The following GRIP1 variants were observed in gnomAD, a reference collection of about 807,000 sequenced individuals.
GRIP1 encodes the protein glutamate receptor interacting protein 1.
Under a neutral mutation model 129.9 loss-of-function variants are expected in GRIP1, and 45 were observed. That is an observed-to-expected ratio of 0.35 (90% CI 0.27 to 0.44). The LOEUF (loss-of-function observed/expected upper bound fraction) is 0.44, where lower values mean the gene tolerates loss of function less well. GRIP1 is among the 20% of genes least tolerant of loss of function. The pLI, the probability that GRIP1 is intolerant of heterozygous loss-of-function variation, is 1.00. For synonymous variants in GRIP1, 530 were observed against 520.8 expected (o/e 1.02, Z -0.24); for missense variants, 1,196 against 1,396.8 (o/e 0.86, Z 2.29).
rs191549204 is a variant in GRIP1, at chr12:66,348,881, G to A, written c.*138C>T. 5.9e-3 allele frequency: 4,490 copies of A among 757,772 alleles called. 24 individuals carry two copies. The highest frequency in any genetic ancestry group is 8.7e-3 in the Non-Finnish European group (3,626 of 416,488). The allele number at this position is 757,772 out of a possible 1,614,324, so 46.9% of individuals were successfully genotyped here. ...AAAGGGAAGTGAACATGAGCCATGA[G>A]AGAGATTTAAAAGACCCCTGTGCTT... On this transcript the variant is annotated 3_prime_UTR_variant, in exon 25 of 25. Coordinates refer to ENST00000359742, the MANE Select transcript of GRIP1 (RefSeq NM_001366722.1).
chr12:66,669,678 G>A (rs73327021), intron 1 of GRIP1, among the ~76,000 whole-genome samples: 2,740 of 152,114 alleles, frequency 0.018, 80 homozygotes, highest in African/African-American at 0.063. Flanking sequence ...TGGCTTTGTC[G>A]GGGCATGCCT....
rs188307757 is a variant in GRIP1, at chr12:66,574,860, C to T, written c.136+21987G>A. On this transcript the variant is annotated intron_variant, in intron 2 of 24. Coordinates refer to ENST00000359742, the MANE Select transcript of GRIP1 (RefSeq NM_001366722.1). ...GAGTGCAGTGGTGTGATCTCAGCTC[C>T]GCCTTCTGGATTCAAGCGATTCTTA... 6.1e-5 allele frequency among the ~76,000 whole-genome samples: 9 copies of T among 148,622 alleles called. 1 individual carries two copies. The South Asian group carries it at 1.3e-3, about 21-fold the overall frequency.
At chr12:66,550,386 T>C (rs1448698231) in intron 2 of GRIP1, among the ~76,000 whole-genome samples, 4 of 152,332 alleles carry the variant, frequency 2.6e-5, no homozygotes, top group African/African-American at 7.2e-5. Flanking sequence ...TATTTGGATA[T>C]TGGAAATTTC....
chr12:66,468,242 C>T (rs1272409232), intron 7 of GRIP1, among the ~76,000 whole-genome samples: 1 of 152,216 alleles, frequency 6.6e-6, no homozygotes, highest in African/African-American at 2.4e-5. Context: ...TTCCCCCTTG[C>T]TGGTGGAATG....
intron 7 of GRIP1, among the ~76,000 whole-genome samples, chr12:66,495,123 T>C (rs1330137691): frequency 3.9e-5 from 6 of 152,216 alleles, no homozygotes; most frequent in Admixed American, 3.9e-4. Flanking sequence ...ATGCCATCTA[T>C]GATGCTTAAT....
At chr12:66,846,681 C>T (rs139780720) in intron 1 of GRIP1, among the ~76,000 whole-genome samples, 6 of 152,176 alleles carry the variant, frequency 3.9e-5, no homozygotes, top group African/African-American at 1.4e-4. Flanking sequence ...ATACATTAAA[C>T]AGGTGCAGAC....
chr12:66,957,395 C>T lies in GRIP1; in HGVS notation c.58+111655G>A, dbSNP rs115546886. On this transcript the variant is annotated intron_variant, in intron 1 of 1. Transcript: ENST00000643019. ...TGTTAACCAGAGGCCATACTTTATT[C>T]AGATTTTCTTAGCTTTAATCTAATA... Among the ~76,000 whole-genome samples, 384 of 149,632 alleles carry T rather than the reference C, an allele frequency of 2.6e-3. 2 individuals are homozygous for T. The highest frequency in any genetic ancestry group is 0.01 in the Middle Eastern group (3 of 286).
At chr12:66,394,456 T>C in intron 16 of GRIP1, 104 bp from the exon 17 acceptor site, 1 of 934,068 alleles carries the variant, frequency 1.1e-6, no homozygotes, top group Non-Finnish European at 1.7e-6. Flanking sequence ...CTCGTCAAAG[T>C]ATCATGTCAC....
At chr12:66,744,732 AC>A in intron 1 of GRIP1, among the ~76,000 whole-genome samples, 2 of 152,252 alleles carry the variant, frequency 1.3e-5, no homozygotes, top group East Asian at 3.9e-4. Flanking sequence ...TTCTCTGTAT[AC>A]AACCCAGTGC....
At chr12:66,609,781 G>A (rs764561023) in intron 1 of GRIP1, among the ~76,000 whole-genome samples, 6 of 152,252 alleles carry the variant, frequency 3.9e-5, no homozygotes, top group South Asian at 2.1e-4. Context: ...CAATTTTGCA[G>A]TAAATGAGTT....
At chr12:66,830,314 C>A (rs955771984) in intron 1 of GRIP1, among the ~76,000 whole-genome samples, 1 of 152,060 alleles carries the variant, frequency 6.6e-6, no homozygotes, top group Admixed American at 6.5e-5. Context: ...GGGAGAATAT[C>A]CTGGATTACC....
At chr12:67,046,404 T>C (rs921523518) in intron 1 of GRIP1, among the ~76,000 whole-genome samples, 1 of 152,224 alleles carries the variant, frequency 6.6e-6, no homozygotes, top group Non-Finnish European at 1.5e-5. Context: ...ATTCCTGACA[T>C]TGCTTCAGTT....
intron 7 of GRIP1, among the ~76,000 whole-genome samples, chr12:66,496,424 A>T (rs1473412094): frequency 6.6e-6 from 1 of 152,168 alleles, no homozygotes; most frequent in Non-Finnish European, 1.5e-5. Flanking sequence ...ATGTAGACTC[A>T]TATTTGCTAT....
chr12:66,991,068 C>T (rs977067499), intron 1 of GRIP1, among the ~76,000 whole-genome samples: 2 of 150,878 alleles, frequency 1.3e-5, no homozygotes, highest in African/African-American at 4.9e-5. Flanking sequence ...GGTCAGGAGA[C>T]GAGACCATCC....
chr12:66,929,405 T>C (rs2041350046), intron 1 of GRIP1, among the ~76,000 whole-genome samples: 2 of 152,184 alleles, frequency 1.3e-5, no homozygotes, highest in Admixed American at 6.5e-5. Flanking sequence ...TGATATAAAA[T>C]TACCTTATGT....
chr12:66,786,723 C>T (rs2038357691), intron 1 of GRIP1, among the ~76,000 whole-genome samples: 2 of 152,102 alleles, frequency 1.3e-5, no homozygotes, highest in African/African-American at 4.8e-5. Flanking sequence ...CCCAAGGGTC[C>T]TCACATGACT....
At chr12:66,918,818 C>T (rs2041168184) in intron 1 of GRIP1, among the ~76,000 whole-genome samples, 2 of 151,988 alleles carry the variant, frequency 1.3e-5, no homozygotes, top group Non-Finnish European at 1.5e-5. Context: ...TCCAAAACTC[C>T]AAGAATATCA....
chr12:66,383,591 T>G lies in GRIP1; in HGVS notation c.2465-4155A>C, dbSNP rs74896868. Among the ~76,000 whole-genome samples the G allele has an allele frequency of 9.8e-3, 1,494 of 152,292 alleles. 15 individuals carry two copies. The highest frequency in any genetic ancestry group is 0.033 in the African/African-American group (1,359 of 41,544). Reference sequence around the variant, plus strand: ...CCATTCCTGGCTTTCTCTGGACGCTTTCTCTCCCACTGCTGCTGTGCTGTG... The same window carrying G: ...CCATTCCTGGCTTTCTCTGGACGCTGTCTCTCCCACTGCTGCTGTGCTGTG... On this transcript the variant is annotated intron_variant, in intron 19 of 24. Coordinates refer to ENST00000359742, the MANE Select transcript of GRIP1 (RefSeq NM_001366722.1).
At chr12:66,507,401 G>A (rs989099808) in intron 7 of GRIP1, among the ~76,000 whole-genome samples, 4 of 151,512 alleles carry the variant, frequency 2.6e-5, no homozygotes, top group African/African-American at 9.7e-5. Flanking sequence ...TCGTGCCACT[G>A]CACTCCAGCC....
Sources: gnomAD v4.1 joint callset for allele counts (sites outside exome capture counted in the v4.1 genomes callset) on GRCh38, gnomAD v4.1.1 for gene constraint, MANE v1.5 for transcripts, NCBI Gene and HGNC (gene_info 2026-07-23, HGNC 2026-07-21) for gene names.